PPARGC1A: variants seen among roughly 807,000 people sequenced by gnomAD.
PPARGC1A encodes PPARG coactivator 1 alpha.
In PPARGC1A, 25 loss-of-function variants were observed where a neutral mutation model predicts 88.7. The ratio of observed to expected loss-of-function variants is 0.28; its 90% CI spans 0.21 to 0.39. The LOEUF (loss-of-function observed/expected upper bound fraction) is 0.39, where lower values mean the gene tolerates loss of function less well. Among genes scored for constraint, PPARGC1A ranks in the 10% least tolerant of loss-of-function variants. The probability of loss-of-function intolerance (pLI) is 1.00; values close to 1 mark genes in which losing one functional copy is unlikely to be tolerated. For missense variants in PPARGC1A, 880 were observed against 968.7 expected, an observed-to-expected ratio of 0.91 and a Z score of 1.22; for synonymous variants, 363 against 355.6, an observed-to-expected ratio of 1.02 and a Z score of -0.24.
the PPARGC1A span, among the ~76,000 whole-genome samples, chr4:24,249,079 C>T: frequency 1.3e-5 from 2 of 152,140 alleles, no homozygotes; most frequent in Non-Finnish European, 2.9e-5. Flanking sequence ...AACACTTTGC[C>T]CTCAGATCCT....
the PPARGC1A span, among the ~76,000 whole-genome samples, chr4:24,212,093 C>T: frequency 6.6e-5 from 10 of 152,106 alleles, no homozygotes; most frequent in Admixed American, 2.6e-4. Flanking sequence ...TGGAGGATGC[C>T]GTCCAAACTC....
the PPARGC1A span, among the ~76,000 whole-genome samples, chr4:24,231,368 C>T: frequency 1.3e-5 from 2 of 152,146 alleles, no homozygotes; most frequent in Non-Finnish European, 2.9e-5. Flanking sequence ...CTTTAAAACC[C>T]CAGACCATTC....
chr4:24,260,191 T>G, the PPARGC1A span, among the ~76,000 whole-genome samples: 2 of 152,262 alleles, frequency 1.3e-5, no homozygotes, highest in Non-Finnish European at 2.9e-5. Flanking sequence ...CATTTCATAC[T>G]AAGCAAAGTA....
the PPARGC1A span, among the ~76,000 whole-genome samples, chr4:24,008,246 A>C: frequency 6.6e-6 from 1 of 152,182 alleles, no homozygotes; most frequent in South Asian, 2.1e-4. Context: ...CATTAGATGC[A>C]CTGAAGATCT....
the PPARGC1A span, among the ~76,000 whole-genome samples, chr4:24,338,666 A>G: frequency 6.6e-6 from 1 of 152,136 alleles, no homozygotes; most frequent in East Asian, 1.9e-4. Context: ...TGCATTCTCC[A>G]TTAAAAACGT....
the PPARGC1A span, among the ~76,000 whole-genome samples, chr4:24,330,413 G>A: frequency 3.3e-5 from 5 of 152,194 alleles, no homozygotes; most frequent in Admixed American, 2.6e-4. Flanking sequence ...TGGTTGCAGG[G>A]AGAGGTCCTG....
the PPARGC1A span, among the ~76,000 whole-genome samples, chr4:23,959,347 A>G: frequency 6.3e-4 from 96 of 152,278 alleles, no homozygotes; most frequent in South Asian, 5.0e-3. Flanking sequence ...CATCAAATCC[A>G]AGGTAAAATG....
chr4:24,444,878 C>T, the PPARGC1A span, among the ~76,000 whole-genome samples: 1 of 152,052 alleles, frequency 6.6e-6, no homozygotes, highest in East Asian at 1.9e-4. Context: ...ACATGGTGAA[C>T]CCTGTCTCTA....
the PPARGC1A span, among the ~76,000 whole-genome samples, chr4:24,238,605 C>T: frequency 0.063 from 9,621 of 152,142 alleles, 362 homozygotes; most frequent in South Asian, 0.12. Flanking sequence ...GCTCTACAAA[C>T]GTAAGTTATT....
intron 2 of PPARGC1A, among the ~76,000 whole-genome samples, chr4:23,849,444 C>T (rs1728885482): frequency 6.6e-6 from 1 of 152,102 alleles, no homozygotes; most frequent in Non-Finnish European, 1.5e-5. Context: ...TATCGCATAG[C>T]TGATAAAAAG....
intron 1 of PPARGC1A, among the ~76,000 whole-genome samples, chr4:23,896,291 CAGA>C (rs1278692783): frequency 4.6e-5 from 7 of 152,060 alleles, no homozygotes; most frequent in Non-Finnish European, 8.8e-5. Flanking sequence ...CTTTTATATT[CAGA>C]AGAAGAAGAA....
chr4:24,265,733 G>A, the PPARGC1A span, among the ~76,000 whole-genome samples: 1 of 152,060 alleles, frequency 6.6e-6, no homozygotes, highest in Non-Finnish European at 1.5e-5. Context: ...CACTGGAAGT[G>A]GAAGAGGTGG....
At chr4:24,115,949 AG>A in the PPARGC1A span, among the ~76,000 whole-genome samples, 1 of 152,104 alleles carries the variant, frequency 6.6e-6, no homozygotes, top group Non-Finnish European at 1.5e-5. Context: ...CGTTATGGTG[AG>A]GATAATGGGG....
intron 7 of PPARGC1A, among the ~76,000 whole-genome samples, chr4:23,819,039 G>A (rs1012707113): frequency 6.6e-6 from 1 of 152,076 alleles, no homozygotes; most frequent in East Asian, 1.9e-4. Flanking sequence ...GGAAGACTGA[G>A]CAAAGAGAGG....
chr4:24,295,818 G>A, the PPARGC1A span, among the ~76,000 whole-genome samples: 15 of 150,718 alleles, frequency 1.0e-4, no homozygotes, highest in African/African-American at 3.2e-4. Flanking sequence ...TGTTTAAATT[G>A]GCATCCCATT....
At chr4:23,859,886 A>G (rs2148706911) in intron 2 of PPARGC1A, among the ~76,000 whole-genome samples, 1 of 152,218 alleles carries the variant, frequency 6.6e-6, no homozygotes, top group East Asian at 1.9e-4. Context: ...ATTTTCATGT[A>G]GCCTGGTCAA....
intron 2 of PPARGC1A, among the ~76,000 whole-genome samples, chr4:23,847,274 G>A (rs1728487376): frequency 6.6e-6 from 1 of 152,174 alleles, no homozygotes; most frequent in African/African-American, 2.4e-5. Flanking sequence ...GTGGCATACT[G>A]AGATGCCCAG....
At chr4:24,311,634 C>T in the PPARGC1A span, among the ~76,000 whole-genome samples, 1 of 151,440 alleles carries the variant, frequency 6.6e-6, no homozygotes, top group South Asian at 2.1e-4. Context: ...AGCAAGACTC[C>T]ATCTCAAAAA....
At chr4:24,336,990 G>T in the PPARGC1A span, among the ~76,000 whole-genome samples, 2 of 152,114 alleles carry the variant, frequency 1.3e-5, no homozygotes, top group Admixed American at 6.5e-5. Flanking sequence ...AATTTTCAAT[G>T]GTTTCCTTGG....
Sources: allele counts gnomAD v4.1 joint callset (sites outside exome capture counted in the v4.1 genomes callset), GRCh38; gene constraint gnomAD v4.1.1; transcripts MANE v1.5; gene names NCBI Gene and HGNC (gene_info 2026-07-23, HGNC 2026-07-21).